ST6GALNAC3: variants seen among roughly 807,000 people sequenced by gnomAD.
The protein encoded by ST6GALNAC3 is ST6 N-acetylgalactosaminide alpha-2,6-sialyltransferase 3.
Under a neutral mutation model 32.7 loss-of-function variants are expected in ST6GALNAC3, and 25 were observed. That is an observed-to-expected ratio of 0.76 (90% CI 0.56 to 1.07). ST6GALNAC3 has a LOEUF of 1.07. ST6GALNAC3 is among the 50% of genes least tolerant of loss of function. The pLI is 0.00. For synonymous variants in ST6GALNAC3, 129 were observed against 133.1 expected, an observed-to-expected ratio of 0.97 and a Z score of 0.21; for missense variants, 355 against 382.4, an observed-to-expected ratio of 0.93 and a Z score of 0.60.
intron 1 of ST6GALNAC3, among the ~76,000 whole-genome samples, chr1:76,286,022 C>G (rs988875817): frequency 1.3e-5 from 2 of 152,016 alleles, no homozygotes; most frequent in East Asian, 3.9e-4. Flanking sequence ...AGACTGACAG[C>G]CATAGGCTAA....
intron 3 of ST6GALNAC3, among the ~76,000 whole-genome samples, chr1:76,486,625 A>G (rs1421598547): frequency 6.6e-6 from 1 of 152,092 alleles, no homozygotes; most frequent in African/African-American, 2.4e-5. Flanking sequence ...GTGTCTCTGC[A>G]TGTGAGATGG....
At chr1:76,545,254 C>T (rs989831758) in intron 3 of ST6GALNAC3, among the ~76,000 whole-genome samples, 1 of 152,184 alleles carries the variant, frequency 6.6e-6, no homozygotes, top group Non-Finnish European at 1.5e-5. Flanking sequence ...CTGTCCTATC[C>T]TACATTGCAA....
intron 2 of ST6GALNAC3, among the ~76,000 whole-genome samples, chr1:76,341,608 T>TCTTTCTTC (rs1647983580): frequency 1.7e-5 from 1 of 57,580 alleles, no homozygotes; most frequent in Non-Finnish European, 3.5e-5. Context: ...AAACTGCTTT[T>TCTTTCTTC]CTTTCTTTCT....
At chr1:76,520,479 T>TACACACATACACACACAC (rs1180862778) in intron 3 of ST6GALNAC3, among the ~76,000 whole-genome samples, 1 of 151,686 alleles carries the variant, frequency 6.6e-6, no homozygotes, top group African/African-American at 2.4e-5. Flanking sequence ...TACACACACA[T>TACACACATACACACACAC]ACACACATAC....
intron 2 of ST6GALNAC3, among the ~76,000 whole-genome samples, chr1:76,320,184 G>A (rs772234634): frequency 6.6e-6 from 1 of 152,162 alleles, no homozygotes; most frequent in African/African-American, 2.4e-5. Flanking sequence ...ACAAAGCAGA[G>A]TTGGGTAAAA....
intron 1 of ST6GALNAC3, among the ~76,000 whole-genome samples, chr1:76,191,032 A>G (rs12140759): frequency 0.14 from 21,071 of 152,246 alleles, 1,720 homozygotes; most frequent in Non-Finnish European, 0.19. Context: ...GCATTTTACC[A>G]TGATCCTCAG....
intron 3 of ST6GALNAC3, among the ~76,000 whole-genome samples, chr1:76,431,201 A>C (rs1330348203): frequency 6.6e-6 from 1 of 152,118 alleles, no homozygotes; most frequent in East Asian, 1.9e-4. Context: ...GCTGCTGCTT[A>C]GATAACCCCA....
At chr1:76,114,702 A>G (rs1314160002) in intron 1 of ST6GALNAC3, among the ~76,000 whole-genome samples, 20 of 152,088 alleles carry the variant, frequency 1.3e-4, no homozygotes, top group Non-Finnish European at 2.9e-4. Context: ...TGAGGTCAGG[A>G]GTTCGAGACC....
chr1:76,209,705 T>C (rs374223237), intron 1 of ST6GALNAC3, among the ~76,000 whole-genome samples: 121 of 152,322 alleles, frequency 7.9e-4, no homozygotes, highest in African/African-American at 2.8e-3. Flanking sequence ...AAAGAACCAA[T>C]TGACATTTGC....
At chr1:76,406,360 G>A (rs931908908) in intron 2 of ST6GALNAC3, among the ~76,000 whole-genome samples, 2 of 151,908 alleles carry the variant, frequency 1.3e-5, no homozygotes, top group East Asian at 1.9e-4. Flanking sequence ...TTTTTTGCCC[G>A]ACATGGACAG....
At chr1:76,400,064 C>T (rs561641442) in intron 2 of ST6GALNAC3, among the ~76,000 whole-genome samples, 48 of 151,954 alleles carry the variant, frequency 3.2e-4, no homozygotes, top group Non-Finnish European at 4.4e-4. Flanking sequence ...TAAATAGCAG[C>T]GGGGATAGTG....
intron 3 of ST6GALNAC3, among the ~76,000 whole-genome samples, chr1:76,449,001 T>G (rs986367357): frequency 1.3e-5 from 2 of 152,076 alleles, no homozygotes; most frequent in African/African-American, 4.8e-5. Context: ...TTTTGTATTT[T>G]TAGTAGAGAC....
chr1:76,453,063 G>A (rs539816553), intron 3 of ST6GALNAC3, among the ~76,000 whole-genome samples: 29 of 152,020 alleles, frequency 1.9e-4, no homozygotes, highest in Non-Finnish European at 2.4e-4. Context: ...TAGTTTATGC[G>A]CATAGAAATG....
intron 1 of ST6GALNAC3, among the ~76,000 whole-genome samples, chr1:76,255,027 TCTC>T (rs1250830900): frequency 3.0e-5 from 2 of 67,066 alleles, no homozygotes; most frequent in South Asian, 9.5e-4. Flanking sequence ...AATCTCTCTC[TCTC>T]TTTTTTTTTT....
intron 1 of ST6GALNAC3, among the ~76,000 whole-genome samples, chr1:76,130,013 A>G (rs1649507937): frequency 6.6e-6 from 1 of 152,142 alleles, no homozygotes; most frequent in African/African-American, 2.4e-5. Flanking sequence ...TGCATTTGAG[A>G]TGGGATTCCA....
intron 2 of ST6GALNAC3, among the ~76,000 whole-genome samples, chr1:76,351,363 A>C (rs1648965069): frequency 6.6e-6 from 1 of 152,092 alleles, no homozygotes; most frequent in Non-Finnish European, 1.5e-5. Flanking sequence ...ATAATTATCT[A>C]TATTGTTTTA....
intron 2 of ST6GALNAC3, among the ~76,000 whole-genome samples, chr1:76,401,754 A>G (rs1281358416): frequency 6.6e-6 from 1 of 152,212 alleles, no homozygotes; most frequent in East Asian, 1.9e-4. Flanking sequence ...AAATAGGTTG[A>G]CAGATTTTAT....
intron 1 of ST6GALNAC3, among the ~76,000 whole-genome samples, chr1:76,194,326 A>G (rs1048413684): frequency 2.6e-5 from 4 of 152,216 alleles, no homozygotes; most frequent in African/African-American, 9.6e-5. Context: ...AGGCTAAAAG[A>G]GTGGTTCTCA....
chr1:76,558,482 CT>C (rs1394022583), intron 3 of ST6GALNAC3, among the ~76,000 whole-genome samples: 1 of 152,142 alleles, frequency 6.6e-6, no homozygotes, highest in Non-Finnish European at 1.5e-5. Context: ...ATCAATTTAA[CT>C]CAGGAACAGA....
Sources: gnomAD v4.1 joint callset for allele counts (sites outside exome capture counted in the v4.1 genomes callset) on GRCh38, gnomAD v4.1.1 for gene constraint, MANE v1.5 for transcripts, NCBI Gene and HGNC (gene_info 2026-07-23, HGNC 2026-07-21) for gene names.